GLIS3: variants seen among roughly 807,000 people sequenced by gnomAD.
The protein encoded by GLIS3 is zinc finger protein GLIS3.
A neutral mutation model predicts 78.6 loss-of-function variants in GLIS3; 53 were observed. The ratio of observed to expected loss-of-function variants is 0.67; its 90% CI spans 0.54 to 0.85. The LOEUF (loss-of-function observed/expected upper bound fraction) is 0.85. GLIS3 is among the 40% of genes least tolerant of loss of function. GLIS3 has a pLI of 0.00. For synonymous variants in GLIS3, 684 were observed against 509.9 expected, an observed-to-expected ratio of 1.34 and a Z score of -4.60; for missense variants, 1,703 against 1,231.1, an observed-to-expected ratio of 1.38 and a Z score of -5.74.
At position 4,291,044 on chromosome 9, in the gene GLIS3, A is replaced by C. The variant is rs150637345; in HGVS notation, c.-98-4521T>G. 1.1e-4 allele frequency among the ~76,000 whole-genome samples: 17 copies of C among 152,252 alleles called. No individual in the cohort carries two copies. In the South Asian group the frequency reaches 3.5e-3, roughly 31 times the overall value. ...CCGAAGTTACACAGAAACAGAACTG[A>C]GATAATTCCTCATTATTGAAATGTG... On this transcript the variant is annotated intron_variant, in intron 1 of 10. Coordinates refer to ENST00000381971, the MANE Select transcript of GLIS3 (RefSeq NM_001042413.2).
intron 9 of GLIS3, among the ~76,000 whole-genome samples, chr9:3,830,466 G>A (rs567148343): frequency 3.3e-5 from 5 of 152,298 alleles, no homozygotes; most frequent in South Asian, 2.1e-4. Context: ...CTCCTCAACC[G>A]TAAAATGTGA....
chr9:4,480,367 T>C, the GLIS3 span, among the ~76,000 whole-genome samples: 12 of 151,838 alleles, frequency 7.9e-5, no homozygotes, highest in East Asian at 2.1e-3. Flanking sequence ...ATCACACCTG[T>C]CTAACTTTAT....
At chr9:4,096,139 G>T (rs555108581) in intron 4 of GLIS3, among the ~76,000 whole-genome samples, 68 of 151,770 alleles carry the variant, frequency 4.5e-4, no homozygotes, top group Non-Finnish European at 8.1e-4. Flanking sequence ...ATTGACCAAA[G>T]GATTAAATAG....
intron 4 of GLIS3, among the ~76,000 whole-genome samples, chr9:4,019,210 G>A (rs1034087127): frequency 4.6e-5 from 7 of 152,184 alleles, no homozygotes; most frequent in South Asian, 2.1e-4. Flanking sequence ...ATGGAATGGC[G>A]TTTAAAGTTT....
the GLIS3 span, among the ~76,000 whole-genome samples, chr9:4,379,898 A>G: frequency 6.6e-5 from 10 of 152,288 alleles, no homozygotes; most frequent in Non-Finnish European, 1.0e-4. Context: ...ATGCATCTGT[A>G]TGTGTTTTAG....
intron 2 of GLIS3, among the ~76,000 whole-genome samples, chr9:4,218,437 C>G (rs190316985): frequency 3.9e-5 from 6 of 152,200 alleles, no homozygotes; most frequent in Non-Finnish European, 7.3e-5. Flanking sequence ...CGCCACCACA[C>G]TCGACTAATT....
intron 4 of GLIS3, among the ~76,000 whole-genome samples, chr9:3,960,325 C>A (rs1002943223): frequency 4.6e-5 from 7 of 152,204 alleles, no homozygotes; most frequent in African/African-American, 1.7e-4. Context: ...ATCTCCAGAA[C>A]TGTGAGACAA....
chr9:4,317,996 T>C (rs369205483), intron 2 of GLIS3, among the ~76,000 whole-genome samples: 1 of 152,184 alleles, frequency 6.6e-6, no homozygotes, highest in African/African-American at 2.4e-5. Context: ...GAAGATAGAC[T>C]TAGAAAGAAC....
chr9:3,831,609 C>A (rs1012197803), intron 9 of GLIS3, among the ~76,000 whole-genome samples: 3 of 152,188 alleles, frequency 2.0e-5, no homozygotes, highest in South Asian at 2.1e-4. Flanking sequence ...TAAGGAAATA[C>A]ACTTCTGATA....
chr9:4,089,296 A>C (rs1036296865), intron 4 of GLIS3, among the ~76,000 whole-genome samples: 7 of 152,188 alleles, frequency 4.6e-5, no homozygotes, highest in African/African-American at 1.7e-4. Context: ...TATATCTCAA[A>C]ACTGAAAAAT....
rs566778207 is a variant in GLIS3 at position 4,221,006 on chromosome 9, A to G, written c.388+65032T>C. Reference sequence around the variant, plus strand: ...TCTCTAATTAATTAATTAATTAATAAGTGTTTCTCTGGGTTGGATCTTAGT... The same window carrying G: ...TCTCTAATTAATTAATTAATTAATAGGTGTTTCTCTGGGTTGGATCTTAGT... On this transcript the variant is annotated intron_variant, in intron 2 of 10. Coordinates refer to ENST00000381971, the MANE Select transcript of GLIS3 (RefSeq NM_001042413.2). 4.6e-5 allele frequency among the ~76,000 whole-genome samples: 7 copies of G among 152,296 alleles called. No individual in the cohort carries two copies. In the South Asian group the frequency reaches 1.4e-3, roughly 32 times the overall value.
At chr9:4,465,346 G>A in the GLIS3 span, among the ~76,000 whole-genome samples, 2 of 152,222 alleles carry the variant, frequency 1.3e-5, no homozygotes, top group African/African-American at 2.4e-5. Flanking sequence ...TCGGGAGTTC[G>A]AGACCAGCCT....
intron 2 of GLIS3, among the ~76,000 whole-genome samples, chr9:4,337,487 T>C (rs1167866544): frequency 6.6e-6 from 1 of 152,208 alleles, no homozygotes; most frequent in Non-Finnish European, 1.5e-5. Context: ...ATGAAGGCAA[T>C]ATTTTGCAAT....
the GLIS3 span, among the ~76,000 whole-genome samples, chr9:4,405,889 T>C: frequency 6.6e-6 from 1 of 152,190 alleles, no homozygotes; most frequent in African/African-American, 2.4e-5. Context: ...ATGGGATTTA[T>C]CCCAGGGATG....
chr9:4,346,048 C>G (rs1019631850), intron 2 of GLIS3, among the ~76,000 whole-genome samples: 5 of 152,080 alleles, frequency 3.3e-5, no homozygotes, highest in African/African-American at 1.2e-4. Context: ...TAAATACAGA[C>G]ACAGAAGAAC....
intron 9 of GLIS3, chr9:3,855,783 G>T: frequency 1.8e-6 from 1 of 543,226 alleles, no homozygotes; most frequent in Non-Finnish European, 3.3e-6. Flanking sequence ...CCAGCAACTT[G>T]AGCTGACCAG....
intron 7 of GLIS3, among the ~76,000 whole-genome samples, chr9:3,897,573 G>A (rs1822951197): frequency 6.6e-6 from 1 of 152,076 alleles, no homozygotes; most frequent in Non-Finnish European, 1.5e-5. Flanking sequence ...TCATCTCCCT[G>A]TGTCTCAAAA....
At chr9:4,399,192 T>A in the GLIS3 span, among the ~76,000 whole-genome samples, 4 of 152,164 alleles carry the variant, frequency 2.6e-5, no homozygotes, top group African/African-American at 9.7e-5. Context: ...ATGATAAATG[T>A]TTGGGATGAT....
the GLIS3 span, among the ~76,000 whole-genome samples, chr9:4,369,203 A>T: frequency 1.3e-5 from 2 of 152,068 alleles, no homozygotes; most frequent in Non-Finnish European, 2.9e-5. Flanking sequence ...TGTCTGATGG[A>T]TTACTCAGCC....
Sources: allele counts gnomAD v4.1 joint callset (sites outside exome capture counted in the v4.1 genomes callset), GRCh38; gene constraint gnomAD v4.1.1; transcripts MANE v1.5; gene names NCBI Gene and HGNC (gene_info 2026-07-23, HGNC 2026-07-21).